SPG7: variants seen among roughly 807,000 people sequenced by gnomAD.
SPG7 encodes the protein mitochondrial inner membrane m-AAA protease component paraplegin.
A neutral mutation model predicts 81.9 loss-of-function variants in SPG7; 103 were observed. The observed-to-expected ratio is 1.26, with a 90% CI of 1.07 to 1.48. SPG7 has a LOEUF of 1.48. Ranked by LOEUF, SPG7 falls within the 40% of genes most tolerant of loss-of-function variation. The pLI is 0.00. For missense variants in SPG7, 1,241 were observed against 1,087.3 expected (o/e 1.14, Z -1.99); for synonymous variants, 534 against 444.2 (o/e 1.20, Z -2.54).
chr16:89,547,799 A>G (rs933300806), intron 11 of SPG7: 4 of 554,966 alleles, frequency 7.2e-6, no homozygotes, highest in Middle Eastern at 3.5e-4. Flanking sequence ...TTTTAGTAGC[A>G]ATAGGGTTTC....
At chr16:89,519,918 T>A (rs187099921) in intron 3 of SPG7, 2 of 152,294 alleles carry the variant, frequency 1.3e-5, no homozygotes, top group East Asian at 3.9e-4. Flanking sequence ...GATGACTGAT[T>A]GAAGTGAGTT....
intron 14 of SPG7, 116 bp from the exon 15 acceptor site, chr16:89,553,678 G>A (rs904252892): frequency 3.4e-5 from 34 of 1,008,032 alleles, no homozygotes; most frequent in Non-Finnish European, 4.6e-5. Context: ...GTGGGTCCTC[G>A]GGAGGAAGGG....
Position 89,508,495 on chromosome 16 carries a change from C to A in SPG7, c.78C>A (p.Gly26=). The part of the protein sequence containing the change: ...GPGPRPLWGP[G]PAWSPGFPAR... ...GTCCTCGGCCGCTGTGGGGCCCAGG[C>A]CCGGCCTGGAGTCCAGGGTTCCCCG... The change falls in exon 1 of 17, where the codon GGC becomes GGA. Residue 26 remains glycine, a synonymous_variant. Transcript: ENST00000645818. 3 of 1,511,416 alleles carry A rather than the reference C, an allele frequency of 2.0e-6. No homozygotes were observed. The highest frequency in any genetic ancestry group is 1.4e-5 in the African/African-American group (1 of 69,336). The allele number at this position is 1,511,416 out of a possible 1,614,324, so 93.6% of individuals were successfully genotyped here.
At chr16:89,553,195 T>C in intron 14 of SPG7, 60 bp downstream of exon 14, 2 of 1,475,290 alleles carry the variant, frequency 1.4e-6, no homozygotes, top group Non-Finnish European at 1.9e-6. Flanking sequence ...CATGACTCCT[T>C]CTGTTCCAGT....
intron 13 of SPG7, chr16:89,551,198 A>G (rs1310291805): frequency 5.5e-6 from 1 of 182,922 alleles, no homozygotes; most frequent in Non-Finnish European, 1.2e-5. Context: ...TGCCAAGAGG[A>G]GGTCTCTACT....
At chr16:89,549,032 C>T (rs1321344136) in intron 12 of SPG7, 2 of 456,254 alleles carry the variant, frequency 4.4e-6, no homozygotes, top group Non-Finnish European at 8.8e-6. Context: ...AGGAGTGGGG[C>T]AGCTGCTGTG....
Position 89,510,585 on chromosome 16 carries a change from A to C in SPG7, c.279A>C (p.Gln93His). The C allele has an allele frequency of 6.3e-7, 1 of 1,598,988 alleles. No homozygotes were observed. Among genetic ancestry groups the C allele is most frequent in the Non-Finnish European group, 8.6e-7 (1 of 1,166,536 alleles). ...HLVQNPVRLW[Q>H]LLGGTFYFNT... ...TTCAGAATCCAGTCAGACTCTGGCA[A>C]CTTTTAGGTATGTATCTGTTTAAAG... is the stretch of plus-strand genomic sequence containing the variant. The change falls in exon 2 of 17, where the codon CAA becomes CAC. Residue 93 changes from glutamine to histidine, a missense_variant. Gln to His is a conservative substitution (Grantham distance 24). Coordinates refer to ENST00000645818, the MANE Select transcript of SPG7 (RefSeq NM_003119.4).
intron 3 of SPG7, chr16:89,517,664 A>T (rs2058120566): frequency 1.3e-5 from 2 of 149,434 alleles, no homozygotes; most frequent in Admixed American, 6.7e-5. Flanking sequence ...TTGTTGCCGA[A>T]GTTGGAGTGC....
intron 9 of SPG7, chr16:89,532,842 G>C: frequency 3.3e-6 from 2 of 608,864 alleles, no homozygotes; most frequent in South Asian, 3.7e-5. Context: ...CCAGCACTTT[G>C]GGAGGCCAAG....
rs2058311848 is a variant in SPG7, at chr16:89,529,481, C to T, written c.763C>T (p.Leu255=). The T allele has an allele frequency of 1.9e-6, 3 of 1,611,750 alleles. No individual in the cohort carries two copies. The highest frequency in any genetic ancestry group is 2.5e-6 in the Non-Finnish European group (3 of 1,178,328). ...YKRTGFFGNA[L]YSVGMTAVGL... The stretch of plus-strand genomic sequence containing the variant: ...TGCCTCTCTTTCTTCCGGCAGTGCC[C>T]TGTACTCTGTGGGGATGACGGCAGT... The change falls in exon 6 of 17, where the codon CTG becomes TTG. Residue 255 remains leucine (L), a synonymous_variant. Coordinates refer to ENST00000645818, the MANE Select transcript of SPG7 (RefSeq NM_003119.4).
intron 15 of SPG7, 29 bp downstream of exon 15, chr16:89,553,989 C>T (rs755784307): frequency 2.7e-5 from 43 of 1,607,186 alleles, no homozygotes; most frequent in Non-Finnish European, 3.4e-5. Flanking sequence ...CACCGCTGCC[C>T]TCTGTGCTCC....
At chr16:89,524,280 G>A (rs1423888166) in intron 4 of SPG7, 33 bp downstream of exon 4, 3 of 1,592,084 alleles carry the variant, frequency 1.9e-6, no homozygotes, top group Non-Finnish European at 2.6e-6. Context: ...TGTGAGTGAG[G>A]GTGTGGGCAC....
In SPG7 at chr16:89,553,894, G is replaced by A. The variant is rs79756036; in HGVS notation, c.2037G>A (p.Ala679=). 3.0e-3 allele frequency: 4,861 copies of A among 1,613,086 alleles called. 138 individuals are homozygous for A. In the African/African-American group the frequency reaches 0.057, roughly 19 times the overall value. Residue 679 remains alanine, a synonymous_variant, in exon 15 of 17, where the codon GCG becomes GCA. Transcript: ENST00000645818. ...PGIGPISFPE[A]QEGLMGIGRR... is the part of the protein sequence containing the mutation. ...TCGGGCCCATCTCCTTCCCTGAGGC[G>A]CAGGAGGGCCTCATGGGCATCGGGC...
chr16:89,513,847 CT>C (rs2058054871), intron 3 of SPG7, among the ~76,000 whole-genome samples: 2 of 152,354 alleles, frequency 1.3e-5, no homozygotes, highest in South Asian at 2.1e-4. Flanking sequence ...GTCATAAGGA[CT>C]TTTTCTTCCC....
rs905467263 is a variant in SPG7, at chr16:89,546,729, G to T, written c.1521G>T (p.Gln507His). 1 of 1,613,618 alleles carries T rather than the reference G, an allele frequency of 6.2e-7. No individual in the cohort carries two copies. The highest frequency in any genetic ancestry group is 8.5e-7 in the Non-Finnish European group (1 of 1,179,580). The change falls in exon 11 of 17, where the codon CAG becomes CAT. Residue 507 changes from glutamine to histidine, a missense_variant. Gln to His is a conservative substitution (Grantham distance 24, BLOSUM62 0). Coordinates refer to ENST00000645818, the MANE Select transcript of SPG7 (RefSeq NM_003119.4). ...CCCAGTCCAGCACCTTTTACTCCCA[G>T]CGTCTGGCAGAGCTGACACCAGGAT... ...KLTQSSTFYS[Q>H]RLAELTPGFS...
chr16:89,535,603 T>C (rs878931536), intron 9 of SPG7, among the ~76,000 whole-genome samples: 1 of 152,114 alleles, frequency 6.6e-6, no homozygotes, highest in Admixed American at 6.6e-5. Context: ...GAACACAATG[T>C]CTTCAGAGAT....
chr16:89,545,029 G>A (rs887393165), intron 10 of SPG7: 13 of 543,060 alleles, frequency 2.4e-5, no homozygotes, highest in African/African-American at 7.6e-5. Flanking sequence ...CTCACTGCTC[G>A]GGGTTTTGCA....
At position 89,553,148 on chromosome 16, in the gene SPG7, G is replaced by A. The variant is rs147242721; in HGVS notation, c.1936+13G>A. ...GAGGTCACTTCTGGTGAGGAGCAGC[G>A]GCGCGGGCCCTGGAGGTTTCAGAGC... On this transcript the variant is annotated intron_variant, in intron 14 of 16. Transcript: ENST00000645818. 1.8e-4 allele frequency: 289 copies of A among 1,591,120 alleles called. No homozygotes were observed. Among genetic ancestry groups the A allele is most frequent in the African/African-American group, 1.7e-3 (124 of 74,400 alleles).
intron 3 of SPG7, chr16:89,520,511 G>C (rs943431514): frequency 1.9e-5 from 3 of 155,332 alleles, no homozygotes; most frequent in African/African-American, 7.2e-5. Context: ...ATTCTCCTGC[G>C]TTAGCCTCCC....
Sources: gnomAD v4.1 joint callset for allele counts (sites outside exome capture counted in the v4.1 genomes callset) on GRCh38, gnomAD v4.1.1 for gene constraint, MANE v1.5 for transcripts, NCBI Gene and HGNC (gene_info 2026-07-23, HGNC 2026-07-21) for gene names.